The following GRIA1 variants were observed in gnomAD, a reference collection of about 807,000 sequenced individuals.
GRIA1 encodes the protein glutamate receptor 1.
A neutral mutation model predicts 99.2 loss-of-function variants in GRIA1; 31 were observed. The ratio of observed to expected loss-of-function variants is 0.31; its 90% confidence interval spans 0.23 to 0.42. GRIA1 has a LOEUF of 0.42. GRIA1 is among the 10% of genes least tolerant of loss of function. The pLI is 1.00. For synonymous variants in GRIA1, 438 were observed against 432.4 expected, an observed-to-expected ratio of 1.01 and a Z score of -0.16; for missense variants, 782 against 1,157.5, an observed-to-expected ratio of 0.68 and a Z score of 4.71.
chr5:153,644,838 C>G (rs571057061), intron 2 of GRIA1, among the ~76,000 whole-genome samples: 86 of 151,656 alleles, frequency 5.7e-4, no homozygotes, highest in African/African-American at 2.1e-3. Flanking sequence ...TGCAGAGTCT[C>G]CCATGCAGAA....
intron 2 of GRIA1, among the ~76,000 whole-genome samples, chr5:153,601,202 C>T (rs918227732): frequency 6.6e-6 from 1 of 152,174 alleles, no homozygotes; most frequent in Non-Finnish European, 1.5e-5. Context: ...ATAAGAGATG[C>T]TGTTATCCCC....
chr5:153,603,067 C>T (rs1225651757), intron 2 of GRIA1, among the ~76,000 whole-genome samples: 2 of 151,664 alleles, frequency 1.3e-5, no homozygotes, highest in Non-Finnish European at 2.9e-5. Flanking sequence ...TGCTATCCCT[C>T]CCCTGTCCCC....
rs1396344598 is a variant in GRIA1, at chr5:153,802,253, G to T, written c.2386-103G>T. The stretch of plus-strand genomic sequence containing the variant: ...TTGCAAATGTTAAAGAGGGTGTGGG[G>T]TTGTGTGTATGTGTGAAAATATGCT... On this transcript the variant is annotated intron_variant, in intron 14 of 15. Transcript: ENST00000285900. 5.5e-6 allele frequency: 5 copies of T among 911,062 alleles called. No individual in the cohort carries two copies. In the East Asian group the frequency reaches 1.2e-4, roughly 23 times the overall value. 56.4% of individuals were successfully genotyped at this position (911,062 alleles called of 1,614,324 possible).
chr5:153,725,067 G>A (rs1481926005), intron 11 of GRIA1, among the ~76,000 whole-genome samples: 2 of 152,164 alleles, frequency 1.3e-5, no homozygotes, highest in Non-Finnish European at 2.9e-5. Flanking sequence ...AACTCTACAA[G>A]CCAGAAGCGA....
At chr5:153,658,868 G>T (rs1381648291) in intron 5 of GRIA1, among the ~76,000 whole-genome samples, 1 of 152,196 alleles carries the variant, frequency 6.6e-6, no homozygotes, top group East Asian at 1.9e-4. Flanking sequence ...TCGGAGGAAT[G>T]CTTCTGGGGT....
At chr5:153,660,481 T>C (rs1321483387) in intron 5 of GRIA1, among the ~76,000 whole-genome samples, 1 of 152,074 alleles carries the variant, frequency 6.6e-6, no homozygotes, top group African/African-American at 2.4e-5. Flanking sequence ...ATCCCAAAAT[T>C]TGTGTTCTTA....
chr5:153,533,329 G>A (rs1041605152), intron 2 of GRIA1, among the ~76,000 whole-genome samples: 1 of 151,776 alleles, frequency 6.6e-6, no homozygotes. Flanking sequence ...GGCCAGCCTC[G>A]GTTCTTCGGC....
At chr5:153,705,366 G>C (rs1758814395) in intron 10 of GRIA1, among the ~76,000 whole-genome samples, 1 of 152,128 alleles carries the variant, frequency 6.6e-6, no homozygotes, top group African/African-American at 2.4e-5. Flanking sequence ...GGGCAAGAAT[G>C]GTTCTCCTGC....
chr5:153,734,986 A>T (rs1761284350), intron 11 of GRIA1, among the ~76,000 whole-genome samples: 1 of 152,078 alleles, frequency 6.6e-6, no homozygotes, highest in African/African-American at 2.4e-5. Context: ...TCCCCAGGAG[A>T]CATTTTTGGA....
intron 2 of GRIA1, among the ~76,000 whole-genome samples, chr5:153,576,997 AATGG>A (rs143441412): frequency 0.027 from 2,440 of 90,444 alleles, 134 homozygotes; most frequent in South Asian, 0.058. Flanking sequence ...TGAGTGGATG[AATGG>A]ATGGATGGAT....
At chr5:153,542,170 G>T (rs1382182611) in intron 2 of GRIA1, among the ~76,000 whole-genome samples, 3 of 152,008 alleles carry the variant, frequency 2.0e-5, no homozygotes, top group Non-Finnish European at 2.9e-5. Context: ...ATCCCAAAGT[G>T]CTTGATGTTC....
chr5:153,510,507 T>C (rs1755960238), intron 2 of GRIA1, among the ~76,000 whole-genome samples: 1 of 151,766 alleles, frequency 6.6e-6, no homozygotes, highest in Non-Finnish European at 1.5e-5. Context: ...AGGTTGGGGG[T>C]GAAATCGCTG....
chr5:153,755,053 G>A (rs918671921), intron 11 of GRIA1, among the ~76,000 whole-genome samples: 4 of 152,120 alleles, frequency 2.6e-5, no homozygotes, highest in African/African-American at 9.7e-5. Context: ...TGATAAGGAT[G>A]GGAGTCTTTT....
chr5:153,778,188 A>AGT (rs1161099375), intron 13 of GRIA1, among the ~76,000 whole-genome samples: 8 of 86,204 alleles, frequency 9.3e-5, no homozygotes, highest in African/African-American at 3.4e-4. Flanking sequence ...AGAGAGAGAG[A>AGT]GAGAGTGTGT....
At chr5:153,607,894 T>G (rs1213585620) in intron 2 of GRIA1, among the ~76,000 whole-genome samples, 1 of 152,164 alleles carries the variant, frequency 6.6e-6, no homozygotes, top group East Asian at 1.9e-4. Context: ...TCTCAAAGTT[T>G]CCATCTGGAA....
At chr5:153,616,575 C>T (rs986691340) in intron 2 of GRIA1, among the ~76,000 whole-genome samples, 1 of 152,164 alleles carries the variant, frequency 6.6e-6, no homozygotes, top group Non-Finnish European at 1.5e-5. Context: ...GGCTCACAGG[C>T]CACAGGTTGG....
At position 153,650,403 on chromosome 5, in the gene GRIA1, G is replaced by T. The variant is rs1346626017; in HGVS notation, c.534G>T (p.Leu178Phe). ...KNWQVTAVNI[L>F]TTTEEGYRML... ...GGCAGGTGACAGCAGTCAACATTTT[G>T]ACAACCACAGAGGAGGGATACCGGA... The change falls in exon 4 of 16, where the codon TTG (leucine) becomes TTT (phenylalanine). Residue 178 changes from leucine (L) to phenylalanine (F), a missense_variant. Leu to Phe is a conservative substitution (Grantham distance 22). Around this residue, in one of 5 missense-constraint regions of GRIA1, gnomAD observed 461 missense variants for 521.7 expected, o/e 0.88. Coordinates refer to ENST00000285900, the MANE Select transcript of GRIA1 (RefSeq NM_000827.4). 6.2e-7 allele frequency: 1 copy of T among 1,614,000 alleles called. No individual in the cohort carries two copies. Among genetic ancestry groups the T allele is most frequent in the South Asian group, 1.1e-5 (1 of 91,080 alleles).
chr5:153,675,157 C>A (rs1182917332), intron 6 of GRIA1, among the ~76,000 whole-genome samples: 2 of 152,158 alleles, frequency 1.3e-5, no homozygotes, highest in Admixed American at 6.5e-5. Flanking sequence ...GGAAAACTAC[C>A]CCCAGTTGGC....
chr5:153,520,820 A>C lies in GRIA1; in HGVS notation c.220+26755A>C, dbSNP rs374420970. On this transcript the variant is annotated intron_variant, in intron 2 of 15. Transcript: ENST00000285900. ...TAGTAATAGTAATAATAACAATATA[A>C]ATAGCTAACATCTATTGAGCAATTA... Among the ~76,000 whole-genome samples, 7 of 152,350 alleles carry C rather than the reference A, an allele frequency of 4.6e-5. No individual in the cohort carries two copies. In the East Asian group the frequency reaches 1.3e-3, roughly 29 times the overall value.
Sources: allele counts gnomAD v4.1 joint callset (sites outside exome capture counted in the v4.1 genomes callset), GRCh38; gene constraint gnomAD v4.1.1; regional missense constraint gnomAD v4.1.1; transcripts MANE v1.5; gene names NCBI Gene and HGNC (gene_info 2026-07-23, HGNC 2026-07-21).